ADGRV1: variants seen among roughly 807,000 people sequenced by gnomAD.
The protein encoded by ADGRV1 is G-protein coupled receptor 98.
A neutral mutation model predicts 596.2 loss-of-function variants in ADGRV1; 359 were observed. The ratio of observed to expected loss-of-function variants is 0.60; its 90% CI spans 0.55 to 0.66. The LOEUF (loss-of-function observed/expected upper bound fraction) is 0.66, where lower values mean the gene tolerates loss of function less well. ADGRV1 is among the 30% of genes least tolerant of loss of function. ADGRV1 has a pLI of 0.00. For missense variants in ADGRV1, 7,274 were observed against 7,575.6 expected (o/e 0.96, Z 1.48); for synonymous variants, 2,681 against 2,679.2 (o/e 1.00, Z -0.02).
rs62373965 is a variant in ADGRV1, at chr5:90,759,061, T to A, written c.11941-348T>A. Among the ~76,000 whole-genome samples the A allele has an allele frequency of 0.19, 29,425 of 152,060 alleles. 3,006 individuals carry two copies. The highest frequency in any genetic ancestry group is 0.32 in the East Asian group (1,649 of 5,170). On this transcript the variant is annotated intron_variant, in intron 57 of 89. Transcript: ENST00000405460. ...CATGACATTAAAAAAATTTTAAGAA[T>A]AAGGATTTATTGTTTTTAATCTGTA... is the stretch of plus-strand genomic sequence containing the variant.
chr5:90,600,914 A>G (rs369835492), intron 1 of ADGRV1, among the ~76,000 whole-genome samples: 61 of 152,358 alleles, frequency 4.0e-4, no homozygotes, highest in African/African-American at 1.4e-3. Context: ...CATTAAAAAA[A>G]CATTCAAAAT....
chr5:90,745,486 G>T lies in ADGRV1; in HGVS notation c.10770-105G>T, dbSNP rs888516497. The T allele has an allele frequency of 4.4e-5, 37 of 848,052 alleles. 1 individual carries two copies. In the South Asian group the frequency reaches 6.9e-4, roughly 16 times the overall value. The allele number at this position is 848,052 out of a possible 1,614,324, so 52.5% of individuals were successfully genotyped here. The stretch of plus-strand genomic sequence containing the variant: ...TAAAATTTTCGTTATGAAATGTTGT[G>T]ATTCTTCCAAACCTTTAATATCAAT... On this transcript the variant is annotated intron_variant, in intron 51 of 89. Coordinates refer to ENST00000405460, the MANE Select transcript of ADGRV1 (RefSeq NM_032119.4).
At chr5:90,830,289 T>A (rs934235947) in intron 77 of ADGRV1, among the ~76,000 whole-genome samples, 1 of 152,156 alleles carries the variant, frequency 6.6e-6, no homozygotes, top group Admixed American at 6.6e-5. Context: ...TAAAGTCTAT[T>A]CTAAATAGCA....
chr5:91,063,088 A>T (rs1033580721), intron 85 of ADGRV1, among the ~76,000 whole-genome samples: 6 of 150,902 alleles, frequency 4.0e-5, no homozygotes, highest in African/African-American at 1.5e-4. Context: ...CCTCCGAGAA[A>T]CTGGGAACAC....
At chr5:91,153,801 G>A (rs993273684) in intron 89 of ADGRV1, among the ~76,000 whole-genome samples, 1 of 152,118 alleles carries the variant, frequency 6.6e-6, no homozygotes, top group Non-Finnish European at 1.5e-5. Context: ...TAATGAGCAT[G>A]GTATAGTTCT....
At chr5:90,561,770 A>T (rs1754866007) in intron 1 of ADGRV1, among the ~76,000 whole-genome samples, 1 of 152,220 alleles carries the variant, frequency 6.6e-6, no homozygotes, top group Admixed American at 6.5e-5. Flanking sequence ...TATGATGCTT[A>T]CAAAGTGTAA....
At chr5:90,805,115 A>G in intron 71 of ADGRV1, 169 bp from the exon 72 acceptor site, 1 of 428,222 alleles carries the variant, frequency 2.3e-6, no homozygotes, top group Non-Finnish European at 4.0e-6. Flanking sequence ...AATAAAGTAA[A>G]ATAAATTTTA....
At chr5:90,706,805 G>A (rs1180258369) in intron 38 of ADGRV1, among the ~76,000 whole-genome samples, 1 of 150,876 alleles carries the variant, frequency 6.6e-6, no homozygotes, top group Non-Finnish European at 1.5e-5. Context: ...GAAACCTGGT[G>A]AATTCTCTTC....
At chr5:91,069,497 C>T (rs1454370351) in intron 85 of ADGRV1, among the ~76,000 whole-genome samples, 1 of 152,138 alleles carries the variant, frequency 6.6e-6, no homozygotes, top group Non-Finnish European at 1.5e-5. Context: ...AGCCAACAAA[C>T]ATATGATAAA....
At chr5:90,813,274 T>C (rs886138344) in intron 74 of ADGRV1, among the ~76,000 whole-genome samples, 6 of 150,830 alleles carry the variant, frequency 4.0e-5, no homozygotes, top group African/African-American at 1.5e-4. Flanking sequence ...AACAATTAGT[T>C]TGGCACTGGC....
In ADGRV1 at chr5:90,988,160, A is replaced by G. The variant is rs754210543; in HGVS notation, c.18152+2638A>G. Among the ~76,000 whole-genome samples the G allele has an allele frequency of 4.0e-4, 61 of 152,184 alleles. 1 individual carries two copies. Among genetic ancestry groups the G allele is most frequent in the Non-Finnish European group, 8.1e-4 (55 of 68,034 alleles). ...GCCTGTCAATGTTGGCTGCCTCAAC[A>G]GCTTTACAGTGCCTTCAAACAAATG... On this transcript the variant is annotated intron_variant, in intron 85 of 89. Coordinates refer to ENST00000405460, the MANE Select transcript of ADGRV1 (RefSeq NM_032119.4).
At chr5:91,064,847 T>C (rs1429974333) in intron 85 of ADGRV1, among the ~76,000 whole-genome samples, 5 of 152,218 alleles carry the variant, frequency 3.3e-5, no homozygotes, top group African/African-American at 1.2e-4. Flanking sequence ...CTCTAAGTCT[T>C]TCCAGCCATT....
In ADGRV1 at chr5:90,893,315, G is replaced by A. The variant is rs55748173; in HGVS notation, c.17856+29458G>A. On this transcript the variant is annotated intron_variant, in intron 83 of 89. Transcript: ENST00000405460. ...CCCCCAAATTGAATACTATGAAAGA[G>A]AGAATGAGCATGACCAAGGTAAAAG... Among the ~76,000 whole-genome samples the A allele has an allele frequency of 6.6e-3, 999 of 152,198 alleles. 2 individuals are homozygous for A. Among genetic ancestry groups the A allele is most frequent in the Middle Eastern group, 0.02 (6 of 294 alleles).
chr5:90,663,995 A>G lies in ADGRV1; in HGVS notation c.4752+5717A>G, dbSNP rs375183120. Among the ~76,000 whole-genome samples the G allele has an allele frequency of 7.8e-4, 113 of 144,854 alleles. No homozygotes were observed. In the East Asian group the frequency reaches 0.019, roughly 24 times the overall value. On this transcript the variant is annotated intron_variant, in intron 21 of 89. Transcript: ENST00000405460. ...ATATCTCTGTTTTGGTACCAGTACC[A>G]TGCTGTTTTGGTTACTGTAGCCTTG...
At chr5:90,807,821 G>A (rs760182840) in intron 73 of ADGRV1, 84 bp downstream of exon 73, 2 of 1,212,674 alleles carry the variant, frequency 1.6e-6, no homozygotes, top group African/African-American at 1.5e-5. Flanking sequence ...AGGCACAAGG[G>A]TTATTCTCCT....
At chr5:90,790,501 CAAA>C (rs1471927781) in intron 69 of ADGRV1, among the ~76,000 whole-genome samples, 1 of 152,062 alleles carries the variant, frequency 6.6e-6, no homozygotes, top group Non-Finnish European at 1.5e-5. Context: ...TAAAAACAAA[CAAA>C]AATTCTGATT....
At chr5:90,905,610 A>T (rs149634694) in intron 83 of ADGRV1, among the ~76,000 whole-genome samples, 22 of 152,180 alleles carry the variant, frequency 1.4e-4, no homozygotes, top group African/African-American at 5.3e-4. Context: ...GAATTTGTTT[A>T]TCAGTTCTAA....
chr5:90,578,737 G>C (rs992560789), intron 1 of ADGRV1, among the ~76,000 whole-genome samples: 6 of 152,190 alleles, frequency 3.9e-5, no homozygotes, highest in African/African-American at 1.4e-4. Context: ...GAATCCGTCT[G>C]GTCGTGGACT....
chr5:90,775,162 A>G (rs13188479), intron 60 of ADGRV1, among the ~76,000 whole-genome samples: 62,452 of 152,052 alleles, frequency 0.41, 14,732 homozygotes, highest in Admixed American at 0.58. Flanking sequence ...GGTGATTAAT[A>G]CATTTCTTTT....
Sources: gnomAD v4.1 joint callset for allele counts (sites outside exome capture counted in the v4.1 genomes callset) on GRCh38, gnomAD v4.1.1 for gene constraint, MANE v1.5 for transcripts, NCBI Gene and HGNC (gene_info 2026-07-23, HGNC 2026-07-21) for gene names.